The following ZNF500 variants were observed in gnomAD, a reference collection of about 807,000 sequenced individuals.
ZNF500 encodes zinc finger protein 500.
In ZNF500, 31 loss-of-function variants were observed where a neutral mutation model predicts 30.1. The observed-to-expected ratio is 1.03, with a 90% CI of 0.77 to 1.39. ZNF500 has a LOEUF of 1.39. Among genes scored for constraint, ZNF500 ranks in the 40% most tolerant of loss-of-function variants. The probability of loss-of-function intolerance (pLI) is 0.00; values close to 1 mark genes in which losing one functional copy is unlikely to be tolerated. For missense variants in ZNF500, 817 were observed against 657.8 expected (o/e 1.24, Z -2.65); for synonymous variants, 392 against 282.0 (o/e 1.39, Z -3.91).
chr16:4,760,859 C>T (rs1365313467), intron 4 of ZNF500, among the ~76,000 whole-genome samples: 5 of 152,140 alleles, frequency 3.3e-5, no homozygotes, highest in East Asian at 3.9e-4. Context: ...ACTCAGCCAC[C>T]GAGGCCCATG....
chr16:4,751,193 CTA>C lies in ZNF500; in HGVS notation c.*1181_*1182del, dbSNP rs1452800078. 4.5e-5 allele frequency: 8 copies of C among 178,848 alleles called. No homozygotes were observed. Among genetic ancestry groups the C allele is most frequent in the Non-Finnish European group, 9.3e-5 (8 of 85,870 alleles). 11.1% of individuals were successfully genotyped at this position (178,848 alleles called of 1,614,324 possible). A position where few individuals can be genotyped will look rare whatever the true frequency, so the allele number is the denominator to read the frequency against. On this transcript the variant is annotated 3_prime_UTR_variant, in exon 6 of 6. Coordinates refer to ENST00000219478, the MANE Select transcript of ZNF500 (RefSeq NM_021646.4). ...GAGATGACTAAACCCACCAAGGACT[CTA>C]TCACACTGCTTGTCTTGGCCACTCA... is the stretch of plus-strand genomic sequence containing the variant.
At chr16:4,764,243 T>G (rs1209751136) in intron 2 of ZNF500, 2 of 275,674 alleles carry the variant, frequency 7.3e-6, no homozygotes, top group Non-Finnish European at 1.1e-5. Flanking sequence ...TTCTACACAG[T>G]GGCCGGGCAC....
Position 4,765,749 on chromosome 16 carries a change from C to A in ZNF500, c.230G>T (p.Arg77Leu). 1 of 1,613,132 alleles carries A rather than the reference C, an allele frequency of 6.2e-7. No homozygotes were observed. Among genetic ancestry groups the A allele is most frequent in the African/African-American group, 1.3e-5 (1 of 75,046 alleles). Reference sequence around the variant, plus strand: ...GGTGCGCAGCTCCGGCCGCAGCCAGCGGCAGCACAGCTCCCAGAGGCGGCT... The same window carrying A: ...GGTGCGCAGCTCCGGCCGCAGCCAGAGGCAGCACAGCTCCCAGAGGCGGCT... ...ALSRLWELCC[R>L]WLRPELRTKE... Residue 77 changes from arginine (R) to leucine (L), a missense_variant, in exon 2 of 6, where the codon CGC becomes CTC. Physicochemically the swap from Arg to Leu is moderately radical, Grantham distance 102. Coordinates refer to ENST00000219478, the MANE Select transcript of ZNF500 (RefSeq NM_021646.4).
Position 4,752,911 on chromosome 16 carries a change from C to T in ZNF500, c.908G>A (p.Arg303Lys). ...GGGGCCGCCTCTTGGCTGATCAGGC[C>T]TGACCAAGCCCCTGACTGGGGCTGG... ...QRPAPVRGLV[R>K]PDQPRGGPPP... Residue 303 changes from arginine to lysine, a missense_variant, in exon 6 of 6, where the codon AGG becomes AAG. By Grantham distance (26) the Arg-to-Lys change is conservative. Coordinates refer to ENST00000219478, the MANE Select transcript of ZNF500 (RefSeq NM_021646.4). 1 of 1,613,876 alleles carries T rather than the reference C, an allele frequency of 6.2e-7. No individual in the cohort carries two copies. The highest frequency in any genetic ancestry group is 8.5e-7 in the Non-Finnish European group (1 of 1,180,004).
At chr16:4,747,090 C>T, downstream of ZNF500, 1 of 1,429,164 alleles carries the variant, frequency 7.0e-7, no homozygotes, top group African/African-American at 1.5e-5. Context: ...AGCAAGCCCT[C>T]CACCTGGCAC....
chr16:4,746,289 C>T (rs565002603), downstream of ZNF500: 51 of 1,419,684 alleles, frequency 3.6e-5, no homozygotes, highest in African/African-American at 4.7e-4. Context: ...GTGGCAGCCA[C>T]GAGCACTGTG....
At chr16:4,763,602 T>A in intron 2 of ZNF500, 3 of 985,308 alleles carry the variant, frequency 3.0e-6, no homozygotes, top group Non-Finnish European at 3.6e-6. Context: ...TTATTCAACA[T>A]TCCACACCTC....
At chr16:4,762,869 C>T in intron 2 of ZNF500, 113 bp from the exon 3 acceptor site, 2 of 1,437,794 alleles carry the variant, frequency 1.4e-6, no homozygotes, top group East Asian at 2.5e-5. Context: ...CACCCCCGGG[C>T]TGTCTGCAGC....
chr16:4,752,793 C>T lies in ZNF500; in HGVS notation c.1026G>A (p.Lys342=). 1.9e-6 allele frequency: 3 copies of T among 1,614,248 alleles called. No homozygotes were observed. Among genetic ancestry groups the T allele is most frequent in the Non-Finnish European group, 2.5e-6 (3 of 1,180,036 alleles). ...GCTCGCCCGTGTGTGTGCGCTGGTG[C>T]TTGGTCAAGTGGGACGTCTTGCTGA... ...KGFSKTSHLT[K]HQRTHTGERP... The change falls in exon 6 of 6, where the codon AAG becomes AAA. Residue 342 remains lysine, a synonymous_variant. Coordinates refer to ENST00000219478, the MANE Select transcript of ZNF500 (RefSeq NM_021646.4).
At chr16:4,762,155 C>A (rs143584018) in intron 4 of ZNF500, 116 bp downstream of exon 4, 1 of 1,191,988 alleles carries the variant, frequency 8.4e-7, no homozygotes, top group African/African-American at 1.5e-5. Flanking sequence ...GGGAAGAGCT[C>A]CTCTGACATC....
At chr16:4,747,120 G>T (rs1285550844), downstream of ZNF500, 2 of 1,302,694 alleles carry the variant, frequency 1.5e-6, no homozygotes, top group Admixed American at 2.8e-5. Flanking sequence ...CTGTGGTGAG[G>T]TCTTGCTGCA....
chr16:4,745,792 AAC>A (rs1009974830), downstream of ZNF500, among the ~76,000 whole-genome samples: 31 of 152,118 alleles, frequency 2.0e-4, no homozygotes, highest in African/African-American at 7.5e-4. Flanking sequence ...CTCTACTAAA[AAC>A]ACAAAAAAAT....
intron 5 of ZNF500, among the ~76,000 whole-genome samples, chr16:4,754,051 C>T (rs759998373): frequency 6.6e-6 from 1 of 152,248 alleles, no homozygotes; most frequent in Non-Finnish European, 1.5e-5. Flanking sequence ...TCTGCTCTTC[C>T]TTTGCAGCAT....
downstream of ZNF500, chr16:4,746,967 GA>G (rs765108883): frequency 1.3e-6 from 2 of 1,555,074 alleles, no homozygotes; most frequent in Non-Finnish European, 1.7e-6. Context: ...GGAGGAGGAG[GA>G]AGAGATGGCA....
At chr16:4,745,519 C>T (rs1001732917), downstream of ZNF500, among the ~76,000 whole-genome samples, 2 of 152,234 alleles carry the variant, frequency 1.3e-5, no homozygotes, top group Non-Finnish European at 2.9e-5. Flanking sequence ...GCCCCAGGGT[C>T]CCGTAAGGCC....
chr16:4,760,695 G>T, intron 4 of ZNF500, 107 bp from the exon 5 acceptor site: 1 of 958,682 alleles, frequency 1.0e-6, no homozygotes. Flanking sequence ...CGAGGCTGGC[G>T]CCAAGCCTGG....
intron 5 of ZNF500, among the ~76,000 whole-genome samples, chr16:4,753,638 G>A (rs1337770191): frequency 6.6e-6 from 1 of 152,324 alleles, no homozygotes; most frequent in East Asian, 1.9e-4. Context: ...GGGCCATCAA[G>A]CTCTGCACTC....
intron 2 of ZNF500, among the ~76,000 whole-genome samples, chr16:4,765,206 T>C (rs1158561169): frequency 6.6e-6 from 1 of 151,380 alleles, no homozygotes; most frequent in African/African-American, 2.4e-5. Flanking sequence ...TAGGCTGAGG[T>C]GGGAGGATTG....
At position 4,765,946 on chromosome 16, in the gene ZNF500, T is replaced by C; in HGVS notation, c.33A>G (p.Pro11=). The C allele has an allele frequency of 6.3e-7, 1 of 1,590,460 alleles. No individual in the cohort carries two copies. Among genetic ancestry groups the C allele is most frequent in the Non-Finnish European group, 8.5e-7 (1 of 1,169,592 alleles). The change falls in exon 2 of 6, where the codon CCA becomes CCG. Residue 11 remains proline, a synonymous_variant. Transcript: ENST00000219478. MATVPGLQPL[P]TLEQDLEQEE... ...CCTGTTCCAGGTCCTGCTCCAAGGTTGGCAGGGGCTGGAGGCCAGGGACAG... is the reference window on the plus strand; with the variant it reads ...CCTGTTCCAGGTCCTGCTCCAAGGTCGGCAGGGGCTGGAGGCCAGGGACAG...
Sources: allele counts gnomAD v4.1 joint callset (sites outside exome capture counted in the v4.1 genomes callset), GRCh38; gene constraint gnomAD v4.1.1; transcripts MANE v1.5; gene names NCBI Gene and HGNC (gene_info 2026-07-23, HGNC 2026-07-21).